Variants in SYN3 observed in about 807,000 individuals in gnomAD.
SYN3 encodes the protein synapsin III.
A neutral mutation model predicts 65.8 loss-of-function variants in SYN3; 35 were observed. The observed-to-expected ratio is 0.53, with a 90% CI of 0.41 to 0.70. The LOEUF (loss-of-function observed/expected upper bound fraction) is 0.70, where lower values mean the gene tolerates loss of function less well. Ranked by LOEUF, SYN3 falls within the 30% of genes least tolerant of loss-of-function variation. The pLI is 0.00. For synonymous variants in SYN3, 270 were observed against 292.9 expected (o/e 0.92, Z 0.80); for missense variants, 680 against 749.0 (o/e 0.91, Z 1.08).
intron 2 of SYN3, among the ~76,000 whole-genome samples, chr22:32,986,273 A>T (rs895376984): frequency 1.3e-5 from 2 of 152,156 alleles, no homozygotes; most frequent in Non-Finnish European, 2.9e-5. Flanking sequence ...GGGGGTGTGT[A>T]CGAGGCCAAC....
intron 6 of SYN3, among the ~76,000 whole-genome samples, chr22:32,614,820 C>T (rs543431907): frequency 6.6e-6 from 1 of 152,270 alleles, no homozygotes; most frequent in South Asian, 2.1e-4. Context: ...AAGAGCGGGG[C>T]CCCCTCCTCG....
At chr22:32,549,327 T>C (rs1479498647) in intron 7 of SYN3, among the ~76,000 whole-genome samples, 17 of 152,042 alleles carry the variant, frequency 1.1e-4, no homozygotes, top group South Asian at 4.2e-4. Flanking sequence ...GATCATGGCT[T>C]ACTGTAGCTT....
intron 6 of SYN3, among the ~76,000 whole-genome samples, chr22:32,854,988 G>A (rs575882867): frequency 6.6e-6 from 1 of 152,238 alleles, no homozygotes; most frequent in African/African-American, 2.4e-5. Context: ...AGGCCAAATG[G>A]GAGGCATTTA....
At chr22:32,912,431 C>G (rs185212768) in intron 4 of SYN3, among the ~76,000 whole-genome samples, 10 of 152,138 alleles carry the variant, frequency 6.6e-5, no homozygotes, top group African/African-American at 2.2e-4. Context: ...AGCACTCACT[C>G]TTGGCTGGGC....
chr22:32,645,392 G>A lies in SYN3; in HGVS notation c.712-48656C>T, dbSNP rs188597512. Among the ~76,000 whole-genome samples the A allele has an allele frequency of 5.8e-3, 887 of 151,762 alleles. 7 individuals carry two copies. The highest frequency in any genetic ancestry group is 0.02 in the African/African-American group (810 of 41,320). On this transcript the variant is annotated intron_variant, in intron 6 of 13. Transcript: ENST00000358763. The stretch of plus-strand genomic sequence containing the variant: ...CTTGAACCCGGGAGGCAGAGGTGGC[G>A]GTGAGCGAAGATCGCACCACTGCAC...
At chr22:32,748,980 C>T (rs1028740562) in intron 6 of SYN3, among the ~76,000 whole-genome samples, 8 of 152,104 alleles carry the variant, frequency 5.3e-5, no homozygotes, top group South Asian at 2.1e-4. Flanking sequence ...ATTTTGCCCC[C>T]GCTCCCAATT....
intron 4 of SYN3, among the ~76,000 whole-genome samples, chr22:32,898,057 G>A (rs761365477): frequency 2.6e-5 from 4 of 152,076 alleles, no homozygotes; most frequent in African/African-American, 4.8e-5. Context: ...GTGCAATGGT[G>A]CAATCTTGGC....
chr22:32,547,083 A>G (rs2710374), intron 7 of SYN3, among the ~76,000 whole-genome samples: 7,102 of 152,018 alleles, frequency 0.047, 559 homozygotes, highest in African/African-American at 0.16. Context: ...GGTTCAAGCA[A>G]TCCTCCACCT....
rs142136995 is a variant in SYN3 at position 32,696,850 on chromosome 22, A to C, written c.712-100114T>G. Among the ~76,000 whole-genome samples the C allele has an allele frequency of 9.3e-3, 1,409 of 152,220 alleles. 24 individuals are homozygous for C. Among genetic ancestry groups the C allele is most frequent in the African/African-American group, 0.033 (1,352 of 41,528 alleles). The stretch of plus-strand genomic sequence containing the variant: ...TCCCCTTCTTATCATGGTTTGGCTC[A>C]AGGCTTGTGTCTCCTGTCTCCAGCA... On this transcript the variant is annotated intron_variant, in intron 6 of 13. Transcript: ENST00000358763.
At chr22:32,902,341 C>T (rs58169126) in intron 4 of SYN3, among the ~76,000 whole-genome samples, 1 of 152,166 alleles carries the variant, frequency 6.6e-6, no homozygotes, top group Admixed American at 6.5e-5. Flanking sequence ...CACAAGTGAG[C>T]AGTAACAAGG....
chr22:32,944,377 G>C (rs1295482435), intron 3 of SYN3, among the ~76,000 whole-genome samples: 2 of 152,184 alleles, frequency 1.3e-5, no homozygotes, highest in Non-Finnish European at 2.9e-5. Flanking sequence ...CTGGTTGCAA[G>C]GCTGGTTCAA....
chr22:32,857,496 C>T (rs1158199052), intron 6 of SYN3: 2 of 746,100 alleles, frequency 2.7e-6, no homozygotes, highest in East Asian at 5.4e-5. Context: ...TTGAATTCAT[C>T]CCACTTACCC....
At chr22:32,520,027 A>G (rs1445239266) in intron 12 of SYN3, among the ~76,000 whole-genome samples, 2 of 152,186 alleles carry the variant, frequency 1.3e-5, no homozygotes, top group South Asian at 2.1e-4. Flanking sequence ...CTGGAACTCT[A>G]GAGAGAGCCA....
At chr22:32,586,057 TATGTATATATGTATACATGTATAC>T (rs1422023029) in intron 7 of SYN3, among the ~76,000 whole-genome samples, 15 of 136,858 alleles carry the variant, frequency 1.1e-4, no homozygotes, top group South Asian at 5.0e-4. Context: ...TATATGTGTA[TATGTATATATGTATACATGTATAC>T]ATGTATATAT....
Position 33,033,409 on chromosome 22 carries a change from C to T in SYN3, c.-163+24883G>A, listed in dbSNP as rs56151696. Among the ~76,000 whole-genome samples the T allele has an allele frequency of 6.1e-3, 934 of 152,320 alleles. 8 individuals are homozygous for T. The highest frequency in any genetic ancestry group is 0.028 in the South Asian group (136 of 4,824). ...TGTTCTTTCCTTGCTCCCTCCTTGT[C>T]ATTTTGGTCCCACCCCAATGTCACC... On this transcript the variant is annotated intron_variant, in intron 1 of 13. Coordinates refer to ENST00000358763, the MANE Select transcript of SYN3 (RefSeq NM_003490.4).
At chr22:32,558,600 G>A (rs1420653434) in intron 7 of SYN3, among the ~76,000 whole-genome samples, 12 of 152,280 alleles carry the variant, frequency 7.9e-5, no homozygotes, top group Middle Eastern at 3.4e-3. Context: ...CCCTCATCTG[G>A]GTCTTCTGCA....
chr22:32,709,477 G>T (rs1258936104), intron 6 of SYN3, among the ~76,000 whole-genome samples: 1 of 152,108 alleles, frequency 6.6e-6, no homozygotes, highest in African/African-American at 2.4e-5. Flanking sequence ...TAACAAACCA[G>T]AACAAAATTG....
At position 32,518,199 on chromosome 22, in the gene SYN3, G is replaced by A. The variant is rs759758931; in HGVS notation, c.1454C>T (p.Pro485Leu). ...GCCACTGGATGCCCGGGATAGCTGC[G>A]GAGAGCCTGGTGACCTTTGCTGCTG... Reference protein sequence around the residue: ...SPQQQRSPGSPQLSRASSGSS... With the variant: ...SPQQQRSPGSLQLSRASSGSS... Residue 485 changes from proline to leucine, a missense_variant, in exon 13 of 14, where the codon CCG becomes CTG. Coordinates refer to ENST00000358763, the MANE Select transcript of SYN3 (RefSeq NM_003490.4). 87 of 1,613,760 alleles carry A rather than the reference G, an allele frequency of 5.4e-5. No homozygotes were observed. Among genetic ancestry groups the A allele is most frequent in the Middle Eastern group, 1.6e-4 (1 of 6,084 alleles).
intron 7 of SYN3, among the ~76,000 whole-genome samples, chr22:32,594,874 G>A (rs1156277145): frequency 6.6e-6 from 1 of 152,202 alleles, no homozygotes; most frequent in Non-Finnish European, 1.5e-5. Flanking sequence ...TAGATGTGAG[G>A]TGAAGAATTA....
Sources: gnomAD v4.1 joint callset for allele counts (sites outside exome capture counted in the v4.1 genomes callset) on GRCh38, gnomAD v4.1.1 for gene constraint, MANE v1.5 for transcripts, NCBI Gene and HGNC (gene_info 2026-07-23, HGNC 2026-07-21) for gene names.